The following MALRD1 variants were observed in gnomAD, a reference collection of about 807,000 sequenced individuals.
MALRD1 encodes MAM and LDL-receptor class A domain-containing protein 1.
Under a neutral mutation model 242.1 loss-of-function variants are expected in MALRD1, and 247 were observed. That is an observed-to-expected ratio of 1.02 (90% CI 0.92 to 1.13). The LOEUF is 1.13. Ranked by LOEUF, MALRD1 falls within the 50% of genes most tolerant of loss-of-function variation. The probability of loss-of-function intolerance (pLI) is 0.00; values close to 1 mark genes in which losing one functional copy is unlikely to be tolerated. For synonymous variants in MALRD1, 995 were observed against 866.6 expected (o/e 1.15, Z -2.60); for missense variants, 2,989 against 2,533.1 (o/e 1.18, Z -3.86).
At chr10:19,107,984 A>G (rs1836528406) in intron 5 of MALRD1, among the ~76,000 whole-genome samples, 1 of 152,104 alleles carries the variant, frequency 6.6e-6, no homozygotes, top group African/African-American at 2.4e-5. Flanking sequence ...ACATCTTTAC[A>G]TTGAATCTAA....
chr10:19,668,689 A>G (rs1310642111), intron 36 of MALRD1, among the ~76,000 whole-genome samples: 2 of 152,158 alleles, frequency 1.3e-5, no homozygotes, highest in Non-Finnish European at 2.9e-5. Flanking sequence ...AGAGGAAAAA[A>G]GGGATTTAGG....
intron 29 of MALRD1, among the ~76,000 whole-genome samples, chr10:19,467,997 T>C (rs1836306408): frequency 6.6e-6 from 1 of 152,106 alleles, no homozygotes; most frequent in Non-Finnish European, 1.5e-5. Flanking sequence ...TTTCTCCATG[T>C]TGGCCAGACT....
intron 9 of MALRD1, among the ~76,000 whole-genome samples, chr10:19,134,151 T>C (rs1271796693): frequency 2.0e-5 from 3 of 152,154 alleles, no homozygotes; most frequent in Non-Finnish European, 4.4e-5. Context: ...GGAAATTGAG[T>C]GTCTCCACTC....
intron 26 of MALRD1, among the ~76,000 whole-genome samples, chr10:19,362,698 G>A (rs1205199626): frequency 6.6e-6 from 1 of 152,088 alleles, no homozygotes; most frequent in Non-Finnish European, 1.5e-5. Flanking sequence ...TTAATTTTGA[G>A]CAAAATGGAT....
chr10:19,257,934 T>C (rs1163381686), intron 19 of MALRD1, among the ~76,000 whole-genome samples, 163 bp downstream of exon 19: 5 of 152,178 alleles, frequency 3.3e-5, no homozygotes, highest in Non-Finnish European at 7.3e-5. Flanking sequence ...AGATCCTTGC[T>C]AGTAATTAGT....
At chr10:19,387,075 G>A (rs1035231371) in intron 26 of MALRD1, among the ~76,000 whole-genome samples, 9 of 152,138 alleles carry the variant, frequency 5.9e-5, no homozygotes, top group South Asian at 2.1e-4. Flanking sequence ...CTTACATATC[G>A]TGGCTTCTGA....
At chr10:19,687,256 T>C (rs866446316) in intron 36 of MALRD1, among the ~76,000 whole-genome samples, 21 of 152,232 alleles carry the variant, frequency 1.4e-4, no homozygotes, top group Admixed American at 9.8e-4. Context: ...AGAATCATAT[T>C]TGCATTCAGC....
intron 26 of MALRD1, among the ~76,000 whole-genome samples, chr10:19,357,908 T>A (rs190700797): frequency 3.9e-5 from 6 of 152,222 alleles, no homozygotes; most frequent in Admixed American, 3.9e-4. Context: ...GAATCTGGAA[T>A]CAGTAATTCT....
intron 26 of MALRD1, among the ~76,000 whole-genome samples, chr10:19,370,383 T>G (rs1337678126): frequency 1.3e-5 from 2 of 152,140 alleles, no homozygotes; most frequent in African/African-American, 4.8e-5. Flanking sequence ...TGTTCAAGTA[T>G]TCTTTCATTT....
At chr10:19,340,792 C>A (rs1843813807) in intron 24 of MALRD1, among the ~76,000 whole-genome samples, 2 of 152,090 alleles carry the variant, frequency 1.3e-5, no homozygotes, top group Non-Finnish European at 2.9e-5. Flanking sequence ...TATGTCATAG[C>A]AGTGCAAAAT....
intron 26 of MALRD1, among the ~76,000 whole-genome samples, chr10:19,357,192 A>G (rs995425089): frequency 6.6e-6 from 1 of 152,084 alleles, no homozygotes; most frequent in Non-Finnish European, 1.5e-5. Flanking sequence ...AGTGGATTAG[A>G]TATTAATATC....
At chr10:19,257,567 T>A (rs2131807560) in intron 18 of MALRD1, 117 bp from the exon 19 acceptor site, 1 of 774,858 alleles carries the variant, frequency 1.3e-6, no homozygotes, top group East Asian at 2.8e-5. Context: ...AGTTTTTTAA[T>A]GGCACAGAAG....
chr10:19,198,557 T>C (rs1016266610), intron 14 of MALRD1, among the ~76,000 whole-genome samples: 10 of 152,152 alleles, frequency 6.6e-5, no homozygotes, highest in African/African-American at 1.4e-4. Flanking sequence ...AGCTCTACTA[T>C]TTAAATATCC....
intron 24 of MALRD1, among the ~76,000 whole-genome samples, chr10:19,338,348 C>T (rs1044176289): frequency 6.7e-6 from 1 of 149,838 alleles, no homozygotes; most frequent in Non-Finnish European, 1.5e-5. Flanking sequence ...TACCCTTAAA[C>T]AGCTGGCAAC....
intron 14 of MALRD1, among the ~76,000 whole-genome samples, chr10:19,195,335 T>C (rs1296972330): frequency 1.3e-5 from 2 of 152,166 alleles, no homozygotes; most frequent in African/African-American, 4.8e-5. Flanking sequence ...GATTGTTCCT[T>C]CTCATCTTTG....
chr10:19,119,926 T>G (rs1201876126), intron 5 of MALRD1, among the ~76,000 whole-genome samples: 1 of 150,098 alleles, frequency 6.7e-6, no homozygotes, highest in Non-Finnish European at 1.5e-5. Flanking sequence ...TCTCTTTCAC[T>G]GTCTCAGTCA....
intron 4 of MALRD1, among the ~76,000 whole-genome samples, chr10:19,102,158 TA>T (rs1013661609): frequency 4.1e-5 from 6 of 147,124 alleles, no homozygotes; most frequent in Admixed American, 2.7e-4. Flanking sequence ...GTATATGATA[TA>T]AAAATATATT....
chr10:19,625,592 T>A (rs542353549), intron 36 of MALRD1, among the ~76,000 whole-genome samples: 45 of 152,058 alleles, frequency 3.0e-4, no homozygotes, highest in African/African-American at 1.0e-3. Context: ...GCTAACTAAC[T>A]CCATGACTTA....
At chr10:19,327,023 A>G (rs1351373811) in intron 22 of MALRD1, among the ~76,000 whole-genome samples, 2 of 152,072 alleles carry the variant, frequency 1.3e-5, no homozygotes, top group Non-Finnish European at 2.9e-5. Context: ...ACTGATGAGA[A>G]TATGTTTGTT....
Sources: allele counts gnomAD v4.1 joint callset (sites outside exome capture counted in the v4.1 genomes callset), GRCh38; gene constraint gnomAD v4.1.1; transcripts MANE v1.5; gene names NCBI Gene and HGNC (gene_info 2026-07-23, HGNC 2026-07-21).